The following NEBL variants were observed in gnomAD, a reference collection of about 807,000 sequenced individuals.
NEBL encodes nebulette, also known as LIM and SH3 protein 2.
In NEBL, 122 loss-of-function variants were observed where a neutral mutation model predicts 140.2. The ratio of observed to expected loss-of-function variants is 0.87; its 90% CI spans 0.75 to 1.01. The LOEUF (loss-of-function observed/expected upper bound fraction) is 1.01. Among genes scored for constraint, NEBL ranks in the 50% least tolerant of loss-of-function variants. The pLI is 0.00. For missense variants in NEBL, 1,365 were observed against 1,231.3 expected, an observed-to-expected ratio of 1.11 and a Z score of -1.62; for synonymous variants, 436 against 398.9, an observed-to-expected ratio of 1.09 and a Z score of -1.11.
At position 20,818,856 on chromosome 10, in the gene NEBL, A is replaced by C. The variant is rs1193103591; in HGVS notation, c.2055+568T>G. The C allele has an allele frequency of 4.0e-6, 4 of 990,376 alleles. No individual in the cohort carries two copies. The East Asian group carries it at 4.4e-4, about 109-fold the overall frequency. The allele number at this position is 990,376 out of a possible 1,614,324, so 61.3% of individuals were successfully genotyped here. A position where few individuals can be genotyped will look rare whatever the true frequency, so the allele number is the denominator to read the frequency against. On this transcript the variant is annotated intron_variant, in intron 20 of 27. Coordinates refer to ENST00000377122, the MANE Select transcript of NEBL (RefSeq NM_006393.3). ...TGCCCTTCAACAAGGAAATGTGAAA[A>C]GGAACATCCAAAAATGCAGAGGGTG... is the stretch of plus-strand genomic sequence containing the variant.
At chr10:21,119,192 G>A (rs992214616) in intron 2 of NEBL, among the ~76,000 whole-genome samples, 3 of 152,042 alleles carry the variant, frequency 2.0e-5, no homozygotes, top group African/African-American at 7.2e-5. Flanking sequence ...ATTTTCTCAT[G>A]AACCTGAATT....
At chr10:21,272,113 G>A (rs550664951) in intron 1 of NEBL, among the ~76,000 whole-genome samples, 1 of 118,190 alleles carries the variant, frequency 8.5e-6, no homozygotes, top group East Asian at 2.1e-4. Context: ...CACCACACTT[G>A]GTTAATTTTT....
At chr10:20,996,598 C>A (rs192454531) in intron 3 of NEBL, among the ~76,000 whole-genome samples, 1 of 152,114 alleles carries the variant, frequency 6.6e-6, no homozygotes, top group Non-Finnish European at 1.5e-5. Context: ...GTGGCGGAGA[C>A]AAATTGAAAC....
intron 2 of NEBL, chr10:21,029,567 G>A: frequency 1.3e-6 from 2 of 1,599,518 alleles, no homozygotes. Context: ...GATAGAAATC[G>A]GGATTCTGAC....
At chr10:21,199,957 G>A (rs1841707495) in intron 3 of NEBL, among the ~76,000 whole-genome samples, 1 of 152,202 alleles carries the variant, frequency 6.6e-6, no homozygotes, top group African/African-American at 2.4e-5. Context: ...GCTCTAAACT[G>A]CACTGAGATA....
intron 3 of NEBL, among the ~76,000 whole-genome samples, chr10:21,227,707 CTTCTTT>C (rs1473001754): frequency 2.5e-5 from 2 of 80,400 alleles, no homozygotes; most frequent in East Asian, 6.0e-4. Flanking sequence ...TCTTCTTCTT[CTTCTTT>C]CTTCTTCTTC....
At chr10:20,972,461 T>C (rs555617638) in intron 3 of NEBL, among the ~76,000 whole-genome samples, 1 of 152,056 alleles carries the variant, frequency 6.6e-6, no homozygotes, top group Non-Finnish European at 1.5e-5. Context: ...AAAATCAATA[T>C]AGGCCAGGTG....
intron 3 of NEBL, among the ~76,000 whole-genome samples, chr10:21,205,780 CATAATA>C (rs1158056814): frequency 6.6e-6 from 1 of 151,936 alleles, no homozygotes; most frequent in Non-Finnish European, 1.5e-5. Flanking sequence ...CAAATTTTTA[CATAATA>C]ATAATAATAC....
chr10:21,142,113 C>T (rs569106646), intron 2 of NEBL, among the ~76,000 whole-genome samples: 1 of 152,268 alleles, frequency 6.6e-6, no homozygotes, highest in South Asian at 2.1e-4. Flanking sequence ...AACAACAATT[C>T]TCTTAGCACT....
At chr10:21,020,627 G>C (rs534983744) in intron 2 of NEBL, among the ~76,000 whole-genome samples, 2 of 152,038 alleles carry the variant, frequency 1.3e-5, no homozygotes, top group South Asian at 4.1e-4. Context: ...TCTGGCTTCC[G>C]TTTCTAGAAG....
At position 20,826,399 on chromosome 10, in the gene NEBL, G is replaced by T. The variant is rs370015531; in HGVS notation, c.1869+48C>A. ...AAAGAACTAAAAACATTTGTCTATA[G>T]TTTTGGTTTGCTTTTAGAAAAGATA... On this transcript the variant is annotated intron_variant, in intron 18 of 27. Coordinates refer to ENST00000377122, the MANE Select transcript of NEBL (RefSeq NM_006393.3). 2.1e-6 allele frequency: 3 copies of T among 1,418,734 alleles called. No individual in the cohort carries two copies. In the Admixed American group the frequency reaches 5.0e-5, roughly 24 times the overall value. The allele number at this position is 1,418,734 out of a possible 1,614,324, so 87.9% of individuals were successfully genotyped here.
At chr10:21,211,086 G>T (rs1187088473) in intron 3 of NEBL, among the ~76,000 whole-genome samples, 1 of 152,114 alleles carries the variant, frequency 6.6e-6, no homozygotes, top group Non-Finnish European at 1.5e-5. Context: ...AGGAATAAAG[G>T]CCACTCGCAG....
intron 2 of NEBL, among the ~76,000 whole-genome samples, chr10:21,057,397 A>T (rs1835071115): frequency 6.6e-6 from 1 of 152,042 alleles, no homozygotes; most frequent in Admixed American, 6.6e-5. Context: ...GCACATATCA[A>T]AGAAACACCA....
intron 4 of NEBL, among the ~76,000 whole-genome samples, chr10:20,904,181 G>A (rs996896230): frequency 2.0e-5 from 3 of 152,154 alleles, no homozygotes; most frequent in Admixed American, 1.3e-4. Flanking sequence ...ACCTCAGAAA[G>A]GAAAACCATA....
intron 3 of NEBL, among the ~76,000 whole-genome samples, chr10:21,242,094 T>C (rs1372299535): frequency 6.6e-6 from 1 of 151,966 alleles, no homozygotes; most frequent in Admixed American, 6.6e-5. Flanking sequence ...CCCAGCTACT[T>C]GGGAAGCTAA....
chr10:21,241,984 T>C (rs932174722), intron 3 of NEBL, among the ~76,000 whole-genome samples: 4 of 147,918 alleles, frequency 2.7e-5, no homozygotes, highest in African/African-American at 1.0e-4. Flanking sequence ...TGTGGATCTC[T>C]TGAGCCCAGG....
At chr10:21,030,729 C>T in intron 2 of NEBL, 1 of 454,694 alleles carries the variant, frequency 2.2e-6, no homozygotes, top group South Asian at 1.9e-5. Context: ...ACAAAGACCA[C>T]TGGAAGGAGT....
intron 2 of NEBL, among the ~76,000 whole-genome samples, chr10:21,069,353 A>G (rs867097082): frequency 1.3e-5 from 2 of 152,302 alleles, no homozygotes. Context: ...TCCTCATGGC[A>G]TTGTTCTCCC....
intron 2 of NEBL, among the ~76,000 whole-genome samples, chr10:21,066,747 G>T (rs1244410891): frequency 2.0e-5 from 3 of 152,126 alleles, no homozygotes; most frequent in Non-Finnish European, 4.4e-5. Context: ...CATTTACTGG[G>T]TCAAATGCAT....
Sources: allele counts gnomAD v4.1 joint callset (sites outside exome capture counted in the v4.1 genomes callset), GRCh38; gene constraint gnomAD v4.1.1; transcripts MANE v1.5; gene names NCBI Gene and HGNC (gene_info 2026-07-23, HGNC 2026-07-21).